Variants in MAP4K5 observed in about 807,000 individuals in gnomAD.
MAP4K5 encodes the protein mitogen-activated protein kinase kinase kinase kinase 5.
Under a neutral mutation model 135.6 loss-of-function variants are expected in MAP4K5, and 82 were observed. That is an observed-to-expected ratio of 0.60 (90% CI 0.51 to 0.73). The LOEUF (loss-of-function observed/expected upper bound fraction) is 0.73, where lower values mean the gene tolerates loss of function less well. Ranked by LOEUF, MAP4K5 falls within the 30% of genes least tolerant of loss-of-function variation. MAP4K5 has a pLI of 0.00. For missense variants in MAP4K5, 907 were observed against 1,010.9 expected (o/e 0.90, Z 1.39); for synonymous variants, 347 against 335.0 (o/e 1.04, Z -0.39).
intron 9 of MAP4K5, among the ~76,000 whole-genome samples, chr14:50,469,044 G>T (rs1300429294): frequency 2.0e-5 from 3 of 152,062 alleles, no homozygotes; most frequent in Non-Finnish European, 2.9e-5. Context: ...TTCTATTTTT[G>T]TGAATCTTGT....
chr14:50,541,831 A>G (rs959904092), intron 2 of MAP4K5, among the ~76,000 whole-genome samples: 3 of 151,410 alleles, frequency 2.0e-5, no homozygotes, highest in Admixed American at 2.0e-4. Flanking sequence ...TCACGGTGAA[A>G]CCCCATCTCT....
At chr14:50,526,995 A>C (rs2038279720) in intron 2 of MAP4K5, among the ~76,000 whole-genome samples, 1 of 152,220 alleles carries the variant, frequency 6.6e-6, no homozygotes, top group Non-Finnish European at 1.5e-5. Context: ...AATAACAAAT[A>C]TGCAACTTAG....
Position 50,445,028 on chromosome 14 carries a change from A to G in MAP4K5, c.1339+13T>C. On this transcript the variant is annotated intron_variant, in intron 18 of 32. Transcript: ENST00000682126. ...CATATGTACCCCATGGCTGCTAATAATGCTAGCCATACCAATAGAAGAAGT... is the reference window on the plus strand; with the variant it reads ...CATATGTACCCCATGGCTGCTAATAGTGCTAGCCATACCAATAGAAGAAGT... 6.2e-7 allele frequency: 1 copy of G among 1,611,810 alleles called. No individual in the cohort carries two copies. The highest frequency in any genetic ancestry group is 8.5e-7 in the Non-Finnish European group (1 of 1,178,856).
intron 3 of MAP4K5, among the ~76,000 whole-genome samples, chr14:50,490,412 T>C (rs1302136156): frequency 6.6e-6 from 1 of 152,176 alleles, no homozygotes; most frequent in Non-Finnish European, 1.5e-5. Context: ...GATGTTAACA[T>C]TGGGGGTTTG....
chr14:50,538,512 A>C (rs1285289710), intron 2 of MAP4K5, among the ~76,000 whole-genome samples: 1 of 152,226 alleles, frequency 6.6e-6, no homozygotes, highest in Non-Finnish European at 1.5e-5. Flanking sequence ...AGCTAAGAAA[A>C]GATAGCAGAT....
chr14:50,474,222 C>CA (rs1362421186), intron 9 of MAP4K5, among the ~76,000 whole-genome samples: 6 of 151,436 alleles, frequency 4.0e-5, no homozygotes, highest in African/African-American at 9.7e-5. Flanking sequence ...CCTGTCTCTA[C>CA]AAAAAAAATT....
rs749474370 is a variant in MAP4K5, at chr14:50,462,675, T to C, written c.926A>G (p.Asp309Gly). 1.9e-6 allele frequency: 3 copies of C among 1,601,420 alleles called. No homozygotes were observed. The East Asian group carries it at 6.8e-5, about 36-fold the overall frequency. ...CAAACACTTCCTTACCTCAAAGTCATCGTCATCTGCTTCAGTGTAATGTGC... is the reference window on the plus strand; with the variant it reads ...CAAACACTTCCTTACCTCAAAGTCACCGTCATCTGCTTCAGTGTAATGTGC... ...NHAHYTEADD[D>G]DFEPHAIIRH... is the part of the protein sequence containing the mutation. The change falls in exon 13 of 33, where the codon GAT (aspartate) becomes GGT (glycine). Residue 309 changes from aspartate (D) to glycine (G), a missense_variant. By Grantham distance (94) the Asp-to-Gly change is moderately conservative (BLOSUM62 -1). Around this residue, in one of 3 missense-constraint regions of MAP4K5, gnomAD observed 690 missense variants for 777.4 expected, o/e 0.89. Transcript: ENST00000682126.
Position 50,549,881 on chromosome 14 carries a change from C to T in MAP4K5, c.-179-7297G>A, listed in dbSNP as rs942810954. On this transcript the variant is annotated intron_variant, in intron 1 of 8. Transcript: ENST00000555216. The stretch of plus-strand genomic sequence containing the variant: ...ATTTTAAAAGAGTTACCCACTAACA[C>T]ACTTGGCATCATTCCGTATGAATGG... Among the ~76,000 whole-genome samples, 8 of 152,312 alleles carry T rather than the reference C, an allele frequency of 5.3e-5. 1 individual carries two copies. Among genetic ancestry groups the T allele is most frequent in the Non-Finnish European group, 5.9e-5 (4 of 68,022 alleles).
intron 2 of MAP4K5, among the ~76,000 whole-genome samples, chr14:50,526,832 A>G (rs2038275048): frequency 1.3e-5 from 2 of 152,228 alleles, no homozygotes; most frequent in Non-Finnish European, 1.5e-5. Flanking sequence ...AGGAAAAGAA[A>G]GTAAAGGCAT....
chr14:50,466,194 T>G (rs376197564), intron 11 of MAP4K5, among the ~76,000 whole-genome samples: 1 of 151,628 alleles, frequency 6.6e-6, no homozygotes, highest in East Asian at 1.9e-4. Flanking sequence ...CTGGGCAACA[T>G]AGTGAGACCC....
At position 50,476,283 on chromosome 14, in the gene MAP4K5, T is replaced by C. The variant is rs907601663; in HGVS notation, c.402A>G (p.Lys134=). Residue 134 remains lysine (K), a synonymous_variant, in exon 7 of 33, where the codon AAA becomes AAG. Coordinates refer to ENST00000682126, the MANE Select transcript of MAP4K5 (RefSeq NM_006575.6). The stretch of plus-strand genomic sequence containing the variant: ...CTTTGATATCTCTATGCATTTTGCC[T>C]TTAGTATGCAAATAGGCAAGACCCT... ...TLQGLAYLHT[K]GKMHRDIKGA... The C allele has an allele frequency of 1.3e-6, 2 of 1,482,418 alleles. No individual in the cohort carries two copies. The highest frequency in any genetic ancestry group is 1.4e-5 in the African/African-American group (1 of 69,454). 91.8% of individuals were successfully genotyped at this position (1,482,418 alleles called of 1,614,324 possible). A position where few individuals can be genotyped will look rare whatever the true frequency, so the allele number is the denominator to read the frequency against.
chr14:50,490,130 AGTGTGTGT>A (rs34549753), intron 3 of MAP4K5, among the ~76,000 whole-genome samples: 39 of 121,254 alleles, frequency 3.2e-4, no homozygotes, highest in African/African-American at 9.7e-4. Context: ...AGCGAGTGAG[AGTGTGTGT>A]GTGTGTGTGT....
chr14:50,509,061 G>A (rs1417759795), intron 2 of MAP4K5, among the ~76,000 whole-genome samples: 1 of 152,120 alleles, frequency 6.6e-6, no homozygotes, highest in Non-Finnish European at 1.5e-5. Flanking sequence ...ATAAAAAAAG[G>A]AAGAGTTCAT....
chr14:50,552,766 G>T (rs1275765664), intron 1 of MAP4K5, among the ~76,000 whole-genome samples: 3 of 152,124 alleles, frequency 2.0e-5, no homozygotes, highest in Non-Finnish European at 4.4e-5. Context: ...AGTGGGGAAA[G>T]GATACCCTAT....
At chr14:50,482,707 G>A in intron 5 of MAP4K5, 1 of 238,586 alleles carries the variant, frequency 4.2e-6, no homozygotes, top group Non-Finnish European at 8.1e-6. Flanking sequence ...AACCCGGGAG[G>A]CAGGGGTTGC....
intron 1 of MAP4K5, among the ~76,000 whole-genome samples, chr14:50,554,793 A>T (rs959017526): frequency 1.3e-5 from 2 of 151,796 alleles, no homozygotes; most frequent in Non-Finnish European, 2.9e-5. Context: ...AAGTCCTCAC[A>T]AACTCATCCA....
At position 50,455,182 on chromosome 14, in the gene MAP4K5, A is replaced by ACTT. The variant is rs147524715; in HGVS notation, c.1015+1331_1015+1333dup. On this transcript the variant is annotated intron_variant, in intron 14 of 32. Coordinates refer to ENST00000682126, the MANE Select transcript of MAP4K5 (RefSeq NM_006575.6). ...AGAAAGAAACTCAAGTTGAATCCAT[A>ACTT]CTTCTTACCTTCTACCAAATAATGT... Among the ~76,000 whole-genome samples the ACTT allele has an allele frequency of 7.4e-3, 1,124 of 152,136 alleles. 4 individuals carry two copies. Among genetic ancestry groups the ACTT allele is most frequent in the Non-Finnish European group, 0.012 (838 of 67,890 alleles).
chr14:50,522,587 C>T (rs2038174200), intron 2 of MAP4K5, among the ~76,000 whole-genome samples: 1 of 152,034 alleles, frequency 6.6e-6, no homozygotes, highest in South Asian at 2.1e-4. Context: ...TTTAACATAA[C>T]ATTTATTTAA....
rs953191360 is a variant in MAP4K5 at position 50,482,414 on chromosome 14, T to C, written c.325A>G (p.Thr109Ala). The C allele has an allele frequency of 6.6e-6, 10 of 1,522,700 alleles. No homozygotes were observed. In the African/African-American group the frequency reaches 1.1e-4, roughly 17 times the overall value. 94.3% of individuals were successfully genotyped at this position (1,522,700 alleles called of 1,614,324 possible). A position where few individuals can be genotyped will look rare whatever the true frequency, so the allele number is the denominator to read the frequency against. Reference protein sequence around the residue: ...GGSLQDIYHVTGPLSELQIAY... With the variant: ...GGSLQDIYHVAGPLSELQIAY... ...ATTTGCAATTCTGATAATGGTCCAG[T>C]AACTAGAAAGAAAAAGAGACCACAT... is the stretch of plus-strand genomic sequence containing the variant. Residue 109 changes from threonine to alanine, a missense_variant and splice_region_variant, in exon 6 of 33, where the codon ACT (threonine) becomes GCT (alanine). By Grantham distance (58) the Thr-to-Ala change is moderately conservative. This residue lies in a region of MAP4K5 where 196 missense variants were observed against 189.3 expected (regional missense o/e 1.04). Coordinates refer to ENST00000682126, the MANE Select transcript of MAP4K5 (RefSeq NM_006575.6).
Sources: allele counts gnomAD v4.1 joint callset (sites outside exome capture counted in the v4.1 genomes callset), GRCh38; gene constraint gnomAD v4.1.1; regional missense constraint gnomAD v4.1.1; transcripts MANE v1.5; gene names NCBI Gene and HGNC (gene_info 2026-07-23, HGNC 2026-07-21).